The following POLA1 variants were observed in gnomAD, a reference collection of about 807,000 sequenced individuals.
POLA1 encodes the protein DNA polymerase alpha 1, catalytic subunit.
In POLA1, 15 loss-of-function variants were observed where a neutral mutation model predicts 124.0. The observed-to-expected ratio is 0.12, with a 90% CI of 0.08 to 0.19. The LOEUF is 0.19. Among genes scored for constraint, POLA1 ranks in the 10% least tolerant of loss-of-function variants. The pLI is 1.00. For synonymous variants in POLA1, 408 were observed against 389.4 expected (o/e 1.05, Z -0.56); for missense variants, 886 against 1,103.4 (o/e 0.80, Z 2.79).
intron 26 of POLA1, among the ~76,000 whole-genome samples, chrX:24,787,855 T>A (rs2148462279): frequency 8.9e-6 from 1 of 112,177 alleles, no homozygotes; most frequent in Non-Finnish European, 1.9e-5. Flanking sequence ...TGATAATTCA[T>A]TTTATGAGGC....
intron 26 of POLA1, among the ~76,000 whole-genome samples, chrX:24,808,049 G>A (rs1026440708): frequency 2.7e-5 from 3 of 112,201 alleles, no homozygotes; most frequent in Non-Finnish European, 3.8e-5. Context: ...TGTAGGCATC[G>A]GAGAGGCATT....
chrX:24,916,358 T>C (rs2047533286), intron 35 of POLA1, among the ~76,000 whole-genome samples: 1 of 107,282 alleles, frequency 9.3e-6, no homozygotes, highest in South Asian at 4.3e-4. Context: ...CTTGGCTCAC[T>C]GCAACCTCCG....
chrX:24,776,271 G>A (rs2045137803), intron 26 of POLA1, among the ~76,000 whole-genome samples: 1 of 112,107 alleles, frequency 8.9e-6, no homozygotes, highest in Admixed American at 9.5e-5. Context: ...ATAATGTAAT[G>A]CATGGTGAAG....
intron 26 of POLA1, chrX:24,789,194 A>G (rs757286782): frequency 5.1e-4 from 298 of 589,502 alleles, no homozygotes; most frequent in Non-Finnish European, 6.5e-4. Context: ...AAAGGCATGC[A>G]AATCAGAAAG....
rs66782103 is a variant in POLA1 at position 24,757,436 on chromosome X, C to CTTTTTTTTTTTTTTTT, written c.2964+8450_2964+8465dup. ...ATCTGAAATGCTCCAAAATCTGAAACTTTTTTTTTTTTTTTTTTTTTGAGA... is the reference window on the plus strand; with the variant it reads ...ATCTGAAATGCTCCAAAATCTGAAACTTTTTTTTTTTTTTTTTTTTTTTTTTTTTTTTTTTTTGAGA... On this transcript the variant is annotated intron_variant, in intron 26 of 36. Transcript: ENST00000379068. 5.7e-3 allele frequency among the ~76,000 whole-genome samples: 351 copies of CTTTTTTTTTTTTTTTT among 62,121 alleles called. 52 individuals carry two copies. Among genetic ancestry groups the CTTTTTTTTTTTTTTTT allele is most frequent in the African/African-American group, 0.022 (271 of 12,214 alleles). The allele number at this position is 62,121 out of a possible 115,157, so 53.9% of individuals were successfully genotyped here.
At chrX:24,874,813 G>A (rs1275697309) in intron 34 of POLA1, among the ~76,000 whole-genome samples, 1 of 111,518 alleles carries the variant, frequency 9.0e-6, no homozygotes, top group African/African-American at 3.3e-5. Context: ...CTCTGGGGGT[G>A]GCGCTGTGTT....
chrX:24,777,676 A>G (rs963563216), intron 26 of POLA1, among the ~76,000 whole-genome samples: 1 of 112,399 alleles, frequency 8.9e-6, no homozygotes, highest in South Asian at 3.7e-4. Flanking sequence ...GAAGACTGCT[A>G]TCTATCTCTA....
chrX:24,965,977 G>A (rs2048217377), intron 36 of POLA1, among the ~76,000 whole-genome samples: 2 of 111,762 alleles, frequency 1.8e-5, no homozygotes, highest in Non-Finnish European at 3.8e-5. Context: ...TTCAAATGTG[G>A]AAAGCTTCTG....
chrX:24,738,904 CTTA>C (rs1273492064), intron 19 of POLA1, among the ~76,000 whole-genome samples: 4 of 111,741 alleles, frequency 3.6e-5, no homozygotes, highest in Non-Finnish European at 7.5e-5. Context: ...TGCTTCTTTT[CTTA>C]TTCATATCTT....
chrX:24,699,490 C>T lies in POLA1; in HGVS notation c.109C>T (p.Arg37Cys), dbSNP rs138282947. Residue 37 changes from arginine to cysteine, a missense_variant, in exon 2 of 37, where the codon CGC becomes TGC. Coordinates refer to ENST00000379068, the MANE Select transcript of POLA1 (RefSeq NM_001330360.2). ...GCGAGAAAAAAAATCAAAGAAGGGG[C>T]GCCAAGAAGCCCTAGAAAGACTGAA... ...ARREKKSKKG[R>C]QEALERLKKA... 18 of 1,177,478 alleles carry T rather than the reference C, an allele frequency of 1.5e-5. No homozygotes were observed. In the East Asian group the frequency reaches 2.4e-4, roughly 16 times the overall value.
chrX:24,865,679 T>G (rs1175244310), intron 34 of POLA1, among the ~76,000 whole-genome samples: 1 of 111,505 alleles, frequency 9.0e-6, no homozygotes, highest in Non-Finnish European at 1.9e-5. Flanking sequence ...GGAGTAAACC[T>G]GGGCACTTAC....
intron 15 of POLA1, among the ~76,000 whole-genome samples, chrX:24,728,911 T>A (rs1009578634): frequency 1.4e-4 from 16 of 112,265 alleles, no homozygotes; most frequent in African/African-American, 4.5e-4. Context: ...TTATCCTTCA[T>A]ATTTCCGCAT....
chrX:24,803,871 A>T (rs2045756675), intron 26 of POLA1, among the ~76,000 whole-genome samples: 1 of 97,655 alleles, frequency 1.0e-5, no homozygotes, highest in Non-Finnish European at 2.0e-5. Context: ...ACTTGGTCCC[A>T]AATCACTTAG....
At position 24,781,093 on chromosome X, in the gene POLA1, C is replaced by T. The variant is rs1353173024; in HGVS notation, c.2965-28805C>T. Among the ~76,000 whole-genome samples the T allele has an allele frequency of 2.7e-5, 3 of 111,724 alleles. No homozygotes were observed. In the East Asian group the frequency reaches 8.4e-4, roughly 31 times the overall value. ...GGCACGAAGTTTTTAAATAACATTC[C>T]CTTTTTATCCTTTTAATATCTAGAA... On this transcript the variant is annotated intron_variant, in intron 26 of 36. Transcript: ENST00000379068.
intron 36 of POLA1, among the ~76,000 whole-genome samples, chrX:24,946,279 C>T (rs758575171): frequency 7.2e-5 from 8 of 111,464 alleles, no homozygotes; most frequent in South Asian, 7.8e-4. Flanking sequence ...TAATTTTGCA[C>T]GTCCTCCAAG....
chrX:24,904,948 C>A (rs906278881), intron 35 of POLA1, among the ~76,000 whole-genome samples: 1 of 106,685 alleles, frequency 9.4e-6, no homozygotes, highest in Non-Finnish European at 1.9e-5. Context: ...CGCTTGAAAC[C>A]AGGAGGCAGA....
At chrX:24,766,878 G>T (rs975961312) in intron 26 of POLA1, among the ~76,000 whole-genome samples, 17 of 111,990 alleles carry the variant, frequency 1.5e-4, no homozygotes, top group African/African-American at 5.2e-4. Context: ...AAATTGGGCT[G>T]TTGATCTTAA....
intron 32 of POLA1, among the ~76,000 whole-genome samples, chrX:24,830,274 G>A (rs1474727372): frequency 2.7e-5 from 3 of 111,680 alleles, no homozygotes; most frequent in Non-Finnish European, 5.6e-5. Flanking sequence ...GCTTCACTTT[G>A]GAAATTCTCT....
At chrX:24,967,339 A>G (rs2048234449) in intron 36 of POLA1, among the ~76,000 whole-genome samples, 1 of 110,448 alleles carries the variant, frequency 9.1e-6, no homozygotes, top group Non-Finnish European at 1.9e-5. Flanking sequence ...ATGTCTGGGT[A>G]GAGATTTGTA....
Sources: gnomAD v4.1 joint callset for allele counts (sites outside exome capture counted in the v4.1 genomes callset) on GRCh38, gnomAD v4.1.1 for gene constraint, MANE v1.5 for transcripts, NCBI Gene and HGNC (gene_info 2026-07-23, HGNC 2026-07-21) for gene names.